ZNF679: variants seen among roughly 807,000 people sequenced by gnomAD.
The protein encoded by ZNF679 is hypothetical protein MGC42415.
In ZNF679, 10 loss-of-function variants were observed where a neutral mutation model predicts 13.4. That is an observed-to-expected ratio of 0.75 (90% CI 0.46 to 1.27). ZNF679 has a LOEUF of 1.27. Among genes scored for constraint, ZNF679 ranks in the 50% most tolerant of loss-of-function variants. The pLI is 0.00. For synonymous variants in ZNF679, 179 were observed against 162.5 expected (o/e 1.10, Z -0.77); for missense variants, 525 against 477.8 (o/e 1.10, Z -0.92).
intron 1 of ZNF679, among the ~76,000 whole-genome samples, chr7:64,230,245 G>A (rs924262460): frequency 2.0e-5 from 3 of 152,240 alleles, no homozygotes; most frequent in African/African-American, 7.2e-5. Flanking sequence ...TAAGAAAAGG[G>A]CCAAGAGGCC....
Position 64,266,635 on chromosome 7 carries a change from C to T in ZNF679, c.1002C>T (p.Asn334=), listed in dbSNP as rs751495119. Residue 334 remains asparagine, a synonymous_variant, in exon 5 of 5, where the codon AAC becomes AAT. Coordinates refer to ENST00000421025, the MANE Select transcript of ZNF679 (RefSeq NM_153363.3). ...GTGAAGAATGTGGCAAAGCCTTTAA[C>T]TGCTCCTCAACCCTTAAGAAACATA... The part of the protein sequence containing the change: ...YTCEECGKAF[N]CSSTLKKHKI... 1 of 1,610,378 alleles carries T rather than the reference C, an allele frequency of 6.2e-7. No individual in the cohort carries two copies. The highest frequency in any genetic ancestry group is 1.3e-5 in the African/African-American group (1 of 74,804).
chr7:64,246,533 G>C (rs1787872497), intron 1 of ZNF679, among the ~76,000 whole-genome samples: 1 of 152,200 alleles, frequency 6.6e-6, no homozygotes, highest in Non-Finnish European at 1.5e-5. Flanking sequence ...GATCAATCTG[G>C]CCAACATGGT....
In ZNF679 at chr7:64,258,529, C is replaced by T. The variant is rs542200301; in HGVS notation, c.40-1692C>T. Among the ~76,000 whole-genome samples the T allele has an allele frequency of 2.6e-5, 4 of 151,166 alleles. 1 individual carries two copies. The South Asian group carries it at 8.4e-4, about 32-fold the overall frequency. On this transcript the variant is annotated intron_variant, in intron 2 of 4. Coordinates refer to ENST00000421025, the MANE Select transcript of ZNF679 (RefSeq NM_153363.3). The stretch of plus-strand genomic sequence containing the variant: ...CAGCCTGACCAACATGGTGAAAGTC[C>T]GTCTCTATTAAAAATACAAAAATCA...
intron 1 of ZNF679, among the ~76,000 whole-genome samples, chr7:64,246,304 C>A (rs754462361): frequency 6.6e-6 from 1 of 152,158 alleles, no homozygotes; most frequent in African/African-American, 2.4e-5. Context: ...AGCCAATTGG[C>A]GATTCAGTCT....
At position 64,245,444 on chromosome 7, in the gene ZNF679, G is replaced by GAGGGAGA. The variant is rs1562842851; in HGVS notation, c.-90-3584_-90-3583insAGGGAGA. Among the ~76,000 whole-genome samples the GAGGGAGA allele has an allele frequency of 7.6e-3, 865 of 113,588 alleles. 8 individuals are homozygous for GAGGGAGA. Among genetic ancestry groups the GAGGGAGA allele is most frequent in the African/African-American group, 0.024 (829 of 35,156 alleles). 74.5% of individuals were successfully genotyped at this position (113,588 alleles called of 152,430 possible). ...GAAAGAGAGAGAGAGAGAGAGAGAGGGAGAGAGAGAGAGAGAGGGAGAGAG... is the reference window on the plus strand; with the variant it reads ...GAAAGAGAGAGAGAGAGAGAGAGAGGAGGGAGAGAGAGAGAGAGAGAGAGGGAGAGAG... On this transcript the variant is annotated intron_variant, in intron 1 of 4. Coordinates refer to ENST00000421025, the MANE Select transcript of ZNF679 (RefSeq NM_153363.3).
intron 2 of ZNF679, among the ~76,000 whole-genome samples, chr7:64,252,750 C>T (rs1235942842): frequency 6.6e-6 from 1 of 152,208 alleles, no homozygotes; most frequent in African/African-American, 2.4e-5. Flanking sequence ...CGGAGTCTCA[C>T]TCTGTTGCCC....
chr7:64,244,875 A>G (rs774667402), intron 1 of ZNF679, among the ~76,000 whole-genome samples: 1 of 152,228 alleles, frequency 6.6e-6, no homozygotes, highest in Non-Finnish European at 1.5e-5. Context: ...ATGGATAACT[A>G]TAACACAAAT....
chr7:64,250,265 GTT>G lies in ZNF679; in HGVS notation c.39+1130_39+1131del, dbSNP rs11434714. Among the ~76,000 whole-genome samples the G allele has an allele frequency of 8.8e-5, 8 of 91,320 alleles. No homozygotes were observed. In the South Asian group the frequency reaches 1.2e-3, roughly 14 times the overall value. 59.9% of individuals were successfully genotyped at this position (91,320 alleles called of 152,430 possible). On this transcript the variant is annotated intron_variant, in intron 2 of 4. Transcript: ENST00000421025. ...TCTACAGGAAACTGGCTTTCCCTTG[GTT>G]TTTTTTTTTTTTTTTTTTTTGAGAC...
intron 1 of ZNF679, among the ~76,000 whole-genome samples, chr7:64,234,175 C>G (rs945667965): frequency 6.6e-6 from 1 of 152,184 alleles, no homozygotes; most frequent in East Asian, 1.9e-4. Flanking sequence ...CTGACTGACC[C>G]AATTCAGAGG....
chr7:64,246,721 AAAAG>A (rs1031755255), intron 1 of ZNF679, among the ~76,000 whole-genome samples: 11 of 151,872 alleles, frequency 7.2e-5, no homozygotes, highest in African/African-American at 2.7e-4. Context: ...GGACTCTGTC[AAAAG>A]AAAGAAAGAA....
Position 64,249,131 on chromosome 7 carries a change from C to A in ZNF679, c.14C>A (p.Pro5Gln), listed in dbSNP as rs559743213. 5.6e-6 allele frequency: 9 copies of A among 1,614,068 alleles called. No individual in the cohort carries two copies. The highest frequency in any genetic ancestry group is 6.8e-6 in the Non-Finnish European group (8 of 1,179,996). Residue 5 changes from proline to glutamine, a missense_variant, in exon 2 of 5, where the codon CCG becomes CAG. Pro to Gln is a moderately conservative substitution (Grantham distance 76, BLOSUM62 -1). Transcript: ENST00000421025. MAKRPGSPGSREMGL... is the reference protein window; with the variant it reads MAKRQGSPGSREMGL... Reference sequence around the variant, plus strand: ...ATCCGCAGATTTATGGCTAAAAGACCGGGATCCCCTGGAAGCCGAGAAATG... The same window carrying A: ...ATCCGCAGATTTATGGCTAAAAGACAGGGATCCCCTGGAAGCCGAGAAATG...
Position 64,265,889 on chromosome 7 carries a change from C to A in ZNF679, c.263-7C>A, listed in dbSNP as rs777751817. 6.2e-7 allele frequency: 1 copy of A among 1,609,260 alleles called. No homozygotes were observed. Among genetic ancestry groups the A allele is most frequent in the Non-Finnish European group, 8.5e-7 (1 of 1,178,268 alleles). ...GTGAAGTAACTTGTGATTTTTATGT[C>A]TTTCAGTTATGTGTTCTCATTTCAC... On this transcript the variant is annotated splice_region_variant and splice_polypyrimidine_tract_variant and intron_variant, in intron 4 of 4. Transcript: ENST00000421025.
intron 2 of ZNF679, among the ~76,000 whole-genome samples, chr7:64,255,005 A>G (rs1787985654): frequency 6.7e-6 from 1 of 149,624 alleles, no homozygotes; most frequent in Non-Finnish European, 1.5e-5. Context: ...ATCTCAAAAA[A>G]AAAAAAAAAA....
At chr7:64,240,335 A>G (rs752975118) in intron 1 of ZNF679, among the ~76,000 whole-genome samples, 1 of 152,228 alleles carries the variant, frequency 6.6e-6, no homozygotes, top group Admixed American at 6.5e-5. Flanking sequence ...TGACACATAC[A>G]TGGTCACAGC....
intron 2 of ZNF679, 100 bp downstream of exon 2, chr7:64,249,256 G>A: frequency 6.3e-7 from 1 of 1,593,604 alleles, no homozygotes; most frequent in Non-Finnish European, 8.6e-7. Context: ...AGTCAGCTCC[G>A]GAGTCTGAGG....
At chr7:64,239,368 C>T (rs758166170) in intron 1 of ZNF679, among the ~76,000 whole-genome samples, 1 of 152,162 alleles carries the variant, frequency 6.6e-6, no homozygotes, top group Non-Finnish European at 1.5e-5. Context: ...GGACCTAAGT[C>T]TCAGGAGTTG....
At chr7:64,259,787 G>A (rs1323814834) in intron 2 of ZNF679, among the ~76,000 whole-genome samples, 3 of 152,004 alleles carry the variant, frequency 2.0e-5, no homozygotes, top group Admixed American at 2.0e-4. Flanking sequence ...AATTTGCCAC[G>A]CATGGTGGCT....
At chr7:64,262,815 TA>T (rs1788095530) in intron 4 of ZNF679, among the ~76,000 whole-genome samples, 1 of 152,228 alleles carries the variant, frequency 6.6e-6, no homozygotes, top group African/African-American at 2.4e-5. Context: ...TTTTAAACAA[TA>T]TTTCAGGAAT....
chr7:64,250,220 C>T (rs556041682), intron 2 of ZNF679, among the ~76,000 whole-genome samples: 1 of 147,484 alleles, frequency 6.8e-6, no homozygotes, highest in Non-Finnish European at 1.5e-5. Flanking sequence ...TAATTGCCTG[C>T]TGTTTAAATA....
Sources: gnomAD v4.1 joint callset for allele counts (sites outside exome capture counted in the v4.1 genomes callset) on GRCh38, gnomAD v4.1.1 for gene constraint, MANE v1.5 for transcripts, NCBI Gene and HGNC (gene_info 2026-07-23, HGNC 2026-07-21) for gene names.